Variants in XRCC6 observed in about 807,000 individuals in gnomAD.
XRCC6 encodes the protein X-ray repair cross complementing 6, also known as DNA repair protein Ku70.
Under a neutral mutation model 65.7 loss-of-function variants are expected in XRCC6, and 5 were observed. The ratio of observed to expected loss-of-function variants is 0.08; its 90% CI spans 0.04 to 0.16. The LOEUF (loss-of-function observed/expected upper bound fraction) is 0.16, where lower values mean the gene tolerates loss of function less well. Among genes scored for constraint, XRCC6 ranks in the 10% least tolerant of loss-of-function variants. XRCC6 has a pLI of 1.00. For synonymous variants in XRCC6, 270 were observed against 270.6 expected (o/e 1.00, Z 0.02); for missense variants, 447 against 738.1 (o/e 0.61, Z 4.57).
chr22:41,631,443 T>C (rs1601531558), intron 3 of XRCC6, among the ~76,000 whole-genome samples: 1 of 148,312 alleles, frequency 6.7e-6, no homozygotes. Context: ...GTCTCCTCCC[T>C]TCTCAGATGG....
intron 2 of XRCC6, among the ~76,000 whole-genome samples, chr22:41,624,261 A>C (rs1308341798): frequency 6.6e-6 from 1 of 152,028 alleles, no homozygotes; most frequent in African/African-American, 2.4e-5. Context: ...GGTGGCATGC[A>C]CTTGTAGTCT....
chr22:41,628,145 G>C lies in XRCC6; in HGVS notation c.110G>C (p.Ser37Thr). 6.2e-7 allele frequency: 1 copy of C among 1,613,620 alleles called. No individual in the cohort carries two copies. The highest frequency in any genetic ancestry group is 1.1e-5 in the South Asian group (1 of 90,992). ...SGDYKYSGRD[S>T]LIFLVDASKA... The stretch of plus-strand genomic sequence containing the variant: ...GACTATAAATATTCAGGAAGAGATA[G>C]TTTGATTTTTTTGGTTGATGCCTCC... The change falls in exon 3 of 13, where the codon AGT (serine) becomes ACT (threonine). Residue 37 changes from serine (S) to threonine (T), a missense_variant. Ser to Thr is a moderately conservative substitution (Grantham distance 58, BLOSUM62 1). Transcript: ENST00000360079.
rs1601553159 is a variant in XRCC6, at chr22:41,653,450, A to T, written c.1130-79A>T. The T allele has an allele frequency of 9.6e-6, 13 of 1,358,056 alleles. No individual in the cohort carries two copies. The East Asian group carries it at 3.1e-4, about 32-fold the overall frequency. The allele number at this position is 1,358,056 out of a possible 1,614,324, so 84.1% of individuals were successfully genotyped here. A position where few individuals can be genotyped will look rare whatever the true frequency, so the allele number is the denominator to read the frequency against. On this transcript the variant is annotated intron_variant, in intron 8 of 12. Coordinates refer to ENST00000360079, the MANE Select transcript of XRCC6 (RefSeq NM_001469.5). Reference sequence around the variant, plus strand: ...AAAATAAGCCCTTTAAAGAAAATGGAAGAGAAACTTTAGGGCTAAAAGAGA... The same window carrying T: ...AAAATAAGCCCTTTAAAGAAAATGGTAGAGAAACTTTAGGGCTAAAAGAGA...
chr22:41,646,192 A>C (rs2067930316), intron 6 of XRCC6, among the ~76,000 whole-genome samples: 1 of 151,988 alleles, frequency 6.6e-6, no homozygotes, highest in Non-Finnish European at 1.5e-5. Context: ...AATCCCAGCC[A>C]CTTGGGAAGC....
intron 2 of XRCC6, among the ~76,000 whole-genome samples, chr22:41,623,875 A>G (rs756158251): frequency 6.6e-6 from 1 of 151,884 alleles, no homozygotes; most frequent in African/African-American, 2.4e-5. Flanking sequence ...CGTGTGCGCC[A>G]CCACACTCGG....
chr22:41,629,700 C>T (rs1333170947), intron 3 of XRCC6, among the ~76,000 whole-genome samples: 6 of 152,120 alleles, frequency 3.9e-5, no homozygotes, highest in South Asian at 2.1e-4. Flanking sequence ...GACGGAGTCT[C>T]GCTCTGTCAC....
At chr22:41,621,699 G>T (rs1230931025) in intron 1 of XRCC6, 1 of 398,790 alleles carries the variant, frequency 2.5e-6, no homozygotes, top group Non-Finnish European at 4.6e-6. Context: ...ATCCTGGAGC[G>T]GGAATCCCTC....
intron 6 of XRCC6, among the ~76,000 whole-genome samples, chr22:41,646,433 G>T (rs559381044): frequency 1.1e-4 from 16 of 152,116 alleles, no homozygotes; most frequent in African/African-American, 3.4e-4. Context: ...TTTATTATAC[G>T]GGTTGAGTGT....
intron 3 of XRCC6, among the ~76,000 whole-genome samples, chr22:41,634,365 G>GT (rs1371298664): frequency 1.3e-5 from 2 of 151,560 alleles, no homozygotes; most frequent in South Asian, 2.1e-4. Context: ...TAATTTTTTT[G>GT]TTTTTTGTAG....
At chr22:41,645,673 T>C (rs1195663252) in intron 6 of XRCC6, among the ~76,000 whole-genome samples, 1 of 151,834 alleles carries the variant, frequency 6.6e-6, no homozygotes, top group African/African-American at 2.4e-5. Flanking sequence ...GTAACCCTTA[T>C]TTTGATGGGG....
intron 7 of XRCC6, 77 bp downstream of exon 7, chr22:41,647,159 G>A: frequency 2.0e-6 from 3 of 1,504,580 alleles, no homozygotes; most frequent in South Asian, 2.5e-5. Flanking sequence ...AGTGCAGTGG[G>A]GCGAACATGA....
At chr22:41,641,433 A>G (rs982764320) in intron 6 of XRCC6, among the ~76,000 whole-genome samples, 1 of 152,200 alleles carries the variant, frequency 6.6e-6, no homozygotes, top group Non-Finnish European at 1.5e-5. Context: ...GTTATCTATC[A>G]CCTTAAGCAC....
At chr22:41,663,510 C>T in intron 12 of XRCC6, 112 bp from the exon 13 acceptor site, 6 of 1,255,902 alleles carry the variant, frequency 4.8e-6, no homozygotes, top group Non-Finnish European at 6.7e-6. Flanking sequence ...GCTGGCATCA[C>T]AGCTTTATGG....
Position 41,621,986 on chromosome 22 carries a change from C to G in XRCC6, c.-15-4C>G, listed in dbSNP as rs1162738350. 3 of 1,614,004 alleles carry G rather than the reference C, an allele frequency of 1.9e-6. No homozygotes were observed. The highest frequency in any genetic ancestry group is 2.5e-6 in the Non-Finnish European group (3 of 1,179,868). On this transcript the variant is annotated splice_region_variant and splice_polypyrimidine_tract_variant and intron_variant, in intron 1 of 12. Coordinates refer to ENST00000360079, the MANE Select transcript of XRCC6 (RefSeq NM_001469.5). The stretch of plus-strand genomic sequence containing the variant: ...TGTTACTGACGTTAACGTCTTTCGC[C>G]TAGTGAGCAGTAGCCAACATGTCAG...
chr22:41,623,137 G>C (rs956178129), intron 2 of XRCC6, among the ~76,000 whole-genome samples: 1 of 151,716 alleles, frequency 6.6e-6, no homozygotes, highest in Non-Finnish European at 1.5e-5. Flanking sequence ...GAGTGCAGTG[G>C]TGAGATCATC....
chr22:41,657,460 G>A (rs1037828638), intron 10 of XRCC6, among the ~76,000 whole-genome samples: 21 of 149,976 alleles, frequency 1.4e-4, no homozygotes, highest in Non-Finnish European at 2.7e-4. Context: ...GACACTAAAC[G>A]TAATTTTTTT....
At chr22:41,646,654 A>G (rs571073329) in intron 6 of XRCC6, among the ~76,000 whole-genome samples, 1 of 152,356 alleles carries the variant, frequency 6.6e-6, no homozygotes, top group East Asian at 1.9e-4. Flanking sequence ...AGCATTTTGC[A>G]AAGGGATACG....
chr22:41,635,604 A>C (rs1414630251), intron 3 of XRCC6, among the ~76,000 whole-genome samples: 1 of 152,040 alleles, frequency 6.6e-6, no homozygotes, highest in Non-Finnish European at 1.5e-5. Context: ...GTAGTGGTGC[A>C]GTCTCTGCTC....
Position 41,649,354 on chromosome 22 carries a change from T to G in XRCC6, c.961-1369T>G, listed in dbSNP as rs57794689. 6.2e-3 allele frequency among the ~76,000 whole-genome samples: 942 copies of G among 150,824 alleles called. 15 individuals carry two copies. Among genetic ancestry groups the G allele is most frequent in the African/African-American group, 0.022 (898 of 41,220 alleles). On this transcript the variant is annotated intron_variant, in intron 7 of 12. Coordinates refer to ENST00000360079, the MANE Select transcript of XRCC6 (RefSeq NM_001469.5). Reference sequence around the variant, plus strand: ...GCTAATTTTTTGTATTTTTTTTTTTTTCATAGAGACAGGATCTCACTATGT... The same window carrying G: ...GCTAATTTTTTGTATTTTTTTTTTTGTCATAGAGACAGGATCTCACTATGT...
Sources: gnomAD v4.1 joint callset for allele counts (sites outside exome capture counted in the v4.1 genomes callset) on GRCh38, gnomAD v4.1.1 for gene constraint, MANE v1.5 for transcripts, NCBI Gene and HGNC (gene_info 2026-07-23, HGNC 2026-07-21) for gene names.